Variants in SNTB2 observed in about 807,000 individuals in gnomAD.
The protein encoded by SNTB2 is beta-2-syntrophin.
A neutral mutation model predicts 46.2 loss-of-function variants in SNTB2; 34 were observed. The ratio of observed to expected loss-of-function variants is 0.74; its 90% CI spans 0.56 to 0.98. SNTB2 has a LOEUF of 0.98. SNTB2 is among the 50% of genes least tolerant of loss of function. The probability of loss-of-function intolerance (pLI) is 0.00; values close to 1 mark genes in which losing one functional copy is unlikely to be tolerated. For synonymous variants in SNTB2, 290 were observed against 312.6 expected (o/e 0.93, Z 0.76); for missense variants, 603 against 731.4 (o/e 0.82, Z 2.02).
chr16:69,263,029 A>T lies in SNTB2; in HGVS notation c.1005+2769A>T, dbSNP rs533778050. Among the ~76,000 whole-genome samples, 31 of 151,594 alleles carry T rather than the reference A, an allele frequency of 2.0e-4. No homozygotes were observed. In the South Asian group the frequency reaches 6.4e-3, roughly 32 times the overall value. The stretch of plus-strand genomic sequence containing the variant: ...AATTTATTCATCCTGTTTAATTGAA[A>T]CTTTGTACCATTTGACCAACATCTC... On this transcript the variant is annotated intron_variant, in intron 3 of 6. Coordinates refer to ENST00000336278, the MANE Select transcript of SNTB2 (RefSeq NM_006750.4).
At chr16:69,268,819 C>T (rs973479700) in intron 3 of SNTB2, among the ~76,000 whole-genome samples, 6 of 151,128 alleles carry the variant, frequency 4.0e-5, no homozygotes, top group South Asian at 2.1e-4. Context: ...AAGCAGAAAT[C>T]GCGCCGCTGC....
intron 5 of SNTB2, among the ~76,000 whole-genome samples, chr16:69,288,107 G>T (rs1965123378): frequency 6.6e-6 from 1 of 152,132 alleles, no homozygotes; most frequent in Admixed American, 6.6e-5. Context: ...GATGCTCTGT[G>T]TTCCTGTGGG....
At chr16:69,250,494 T>A (rs557876437) in intron 2 of SNTB2, among the ~76,000 whole-genome samples, 1 of 152,358 alleles carries the variant, frequency 6.6e-6, no homozygotes, top group Admixed American at 6.5e-5. Context: ...GCATTGTTAG[T>A]GTCCTTGTGA....
chr16:69,301,287 T>G lies in SNTB2; in HGVS notation c.*363T>G. On this transcript the variant is annotated 3_prime_UTR_variant, in exon 7 of 7. Coordinates refer to ENST00000336278, the MANE Select transcript of SNTB2 (RefSeq NM_006750.4). ...CAAATACCCAAGCATTGTTTTCTTTTTCTTCTCCCTGTAGGATTTGTGTTG... is the reference window on the plus strand; with the variant it reads ...CAAATACCCAAGCATTGTTTTCTTTGTCTTCTCCCTGTAGGATTTGTGTTG... The G allele has an allele frequency of 4.9e-6, 1 of 202,120 alleles. No homozygotes were observed. The highest frequency in any genetic ancestry group is 5.2e-5 in the Admixed American group (1 of 19,160). 12.5% of individuals were successfully genotyped at this position (202,120 alleles called of 1,614,324 possible). A position where few individuals can be genotyped will look rare whatever the true frequency, so the allele number is the denominator to read the frequency against.
At chr16:69,198,896 G>GTTTTT (rs1206371769) in intron 1 of SNTB2, among the ~76,000 whole-genome samples, 2 of 127,682 alleles carry the variant, frequency 1.6e-5, no homozygotes, top group African/African-American at 2.9e-5. Context: ...ATATAATAAT[G>GTTTTT]TTTTTTTTTT....
chr16:69,220,505 C>A (rs1964392809), intron 1 of SNTB2, among the ~76,000 whole-genome samples: 1 of 151,526 alleles, frequency 6.6e-6, no homozygotes, highest in African/African-American at 2.4e-5. Flanking sequence ...CAGTAACATC[C>A]ACTCTTTAGG....
intron 3 of SNTB2, among the ~76,000 whole-genome samples, chr16:69,269,892 G>A (rs1049243743): frequency 6.6e-6 from 1 of 152,142 alleles, no homozygotes; most frequent in Non-Finnish European, 1.5e-5. Context: ...GCAATGTTCA[G>A]TTATTATGGA....
rs568659215 is a variant in SNTB2 at position 69,231,483 on chromosome 16, G to C, written c.581-14119G>C. ...GCATGCCTGTAATCCCAGCTACTCGGGAGGCTGAGGCAGGAGAATTGCTTG... is the reference window on the plus strand; with the variant it reads ...GCATGCCTGTAATCCCAGCTACTCGCGAGGCTGAGGCAGGAGAATTGCTTG... On this transcript the variant is annotated intron_variant, in intron 1 of 6. Coordinates refer to ENST00000336278, the MANE Select transcript of SNTB2 (RefSeq NM_006750.4). 4.3e-4 allele frequency among the ~76,000 whole-genome samples: 66 copies of C among 152,258 alleles called. 1 individual carries two copies. Among genetic ancestry groups the C allele is most frequent in the African/African-American group, 1.6e-3 (66 of 41,538 alleles).
At chr16:69,229,109 T>G (rs780728314) in intron 1 of SNTB2, among the ~76,000 whole-genome samples, 1 of 152,216 alleles carries the variant, frequency 6.6e-6, no homozygotes, top group Non-Finnish European at 1.5e-5. Flanking sequence ...GACGTTGTAT[T>G]GTTTTGCTAT....
chr16:69,300,764 C>A, intron 6 of SNTB2, 68 bp from the exon 7 acceptor site: 2 of 1,053,356 alleles, frequency 1.9e-6, no homozygotes, highest in Non-Finnish European at 3.0e-6. Context: ...ATTTATTTTG[C>A]ATCTTCGTTT....
At chr16:69,271,893 G>A (rs989090561) in intron 4 of SNTB2, among the ~76,000 whole-genome samples, 3 of 152,148 alleles carry the variant, frequency 2.0e-5, no homozygotes, top group Non-Finnish European at 4.4e-5. Flanking sequence ...GAGTAGATTA[G>A]GCATGGACCA....
At chr16:69,247,655 A>G (rs2143048501) in intron 2 of SNTB2, among the ~76,000 whole-genome samples, 1 of 152,294 alleles carries the variant, frequency 6.6e-6, no homozygotes, top group Middle Eastern at 3.4e-3. Context: ...CACCTGCTCA[A>G]AGTAGGGTTC....
intron 1 of SNTB2, among the ~76,000 whole-genome samples, chr16:69,244,880 A>C (rs1490069706): frequency 1.3e-5 from 2 of 152,208 alleles, no homozygotes; most frequent in East Asian, 3.8e-4. Context: ...TTGTGTCTTT[A>C]CTGGCTAGCC....
chr16:69,301,012 C>A lies in SNTB2; in HGVS notation c.*88C>A. 1 of 825,292 alleles carries A rather than the reference C, an allele frequency of 1.2e-6. No homozygotes were observed. Among genetic ancestry groups the A allele is most frequent in the South Asian group, 1.5e-5 (1 of 64,700 alleles). 51.1% of individuals were successfully genotyped at this position (825,292 alleles called of 1,614,324 possible). A position where few individuals can be genotyped will look rare whatever the true frequency, so the allele number is the denominator to read the frequency against. On this transcript the variant is annotated 3_prime_UTR_variant, in exon 7 of 7. Coordinates refer to ENST00000336278, the MANE Select transcript of SNTB2 (RefSeq NM_006750.4). ...AAAGCACAAAAAGAAACTCTTTGCTCTCCTTCAGCACAGTGCCTTCCCAAG... is the reference window on the plus strand; with the variant it reads ...AAAGCACAAAAAGAAACTCTTTGCTATCCTTCAGCACAGTGCCTTCCCAAG...
chr16:69,188,432 ACT>A (rs1213127359), intron 1 of SNTB2, among the ~76,000 whole-genome samples: 1 of 152,090 alleles, frequency 6.6e-6, no homozygotes, highest in African/African-American at 2.4e-5. Flanking sequence ...CTGCTTCAAG[ACT>A]CTTGGGGTTT....
chr16:69,296,789 G>T (rs976432719), intron 5 of SNTB2, among the ~76,000 whole-genome samples: 2 of 143,562 alleles, frequency 1.4e-5, no homozygotes, highest in African/African-American at 2.6e-5. Context: ...GGCAGATCAC[G>T]TGAGGTCAGG....
rs151105697 is a variant in SNTB2 at position 69,253,566 on chromosome 16, G to A, written c.795-6484G>A. On this transcript the variant is annotated intron_variant, in intron 2 of 6. Transcript: ENST00000336278. ...CGGGAGGCTGAGGCAGGAGAATGGCGTGAACCCAGGAGGCGGAGCTTGCAT... is the reference window on the plus strand; with the variant it reads ...CGGGAGGCTGAGGCAGGAGAATGGCATGAACCCAGGAGGCGGAGCTTGCAT... Among the ~76,000 whole-genome samples the A allele has an allele frequency of 6.3e-3, 955 of 152,096 alleles. 12 individuals carry two copies. The highest frequency in any genetic ancestry group is 0.02 in the African/African-American group (850 of 41,504).
In SNTB2 at chr16:69,300,950, T is replaced by C. The variant is rs1965273104; in HGVS notation, c.*26T>C. 1.4e-6 allele frequency: 2 copies of C among 1,414,542 alleles called. No homozygotes were observed. The highest frequency in any genetic ancestry group is 2.0e-6 in the Non-Finnish European group (2 of 1,004,706). 87.6% of individuals were successfully genotyped at this position (1,414,542 alleles called of 1,614,324 possible). On this transcript the variant is annotated 3_prime_UTR_variant, in exon 7 of 7. Transcript: ENST00000336278. ...GCAACAAAAAATCAGAAAAGAGCCTTGACTGTCACAAGAAATATTTCCACC... is the reference window on the plus strand; with the variant it reads ...GCAACAAAAAATCAGAAAAGAGCCTCGACTGTCACAAGAAATATTTCCACC...
At position 69,298,389 on chromosome 16, in the gene SNTB2, A is replaced by C. The variant is rs190226912; in HGVS notation, c.1346-1201A>C. On this transcript the variant is annotated intron_variant, in intron 5 of 6. Coordinates refer to ENST00000336278, the MANE Select transcript of SNTB2 (RefSeq NM_006750.4). ...GAACATAATCTTTATCTTCATCCCA[A>C]ATGCCAACCAAACCATGTCACGGCT... is the stretch of plus-strand genomic sequence containing the variant. Among the ~76,000 whole-genome samples, 63 of 152,162 alleles carry C rather than the reference A, an allele frequency of 4.1e-4. 2 individuals are homozygous for C. The highest frequency in any genetic ancestry group is 8.3e-4 in the South Asian group (4 of 4,822).
Sources: allele counts gnomAD v4.1 joint callset (sites outside exome capture counted in the v4.1 genomes callset), GRCh38; gene constraint gnomAD v4.1.1; transcripts MANE v1.5; gene names NCBI Gene and HGNC (gene_info 2026-07-23, HGNC 2026-07-21).